SLC4A10: variants seen among roughly 807,000 people sequenced by gnomAD.
SLC4A10 encodes the protein sodium-driven chloride bicarbonate exchanger.
In SLC4A10, 42 loss-of-function variants were observed where a neutral mutation model predicts 137.7. That is an observed-to-expected ratio of 0.30 (90% CI 0.24 to 0.39). The LOEUF is 0.39. Among genes scored for constraint, SLC4A10 ranks in the 10% least tolerant of loss-of-function variants. SLC4A10 has a pLI of 1.00. For missense variants in SLC4A10, 925 were observed against 1,355.0 expected (o/e 0.68, Z 4.98); for synonymous variants, 474 against 464.1 (o/e 1.02, Z -0.27).
At chr2:161,635,931 G>T (rs1558912137) in intron 1 of SLC4A10, among the ~76,000 whole-genome samples, 1 of 152,186 alleles carries the variant, frequency 6.6e-6, no homozygotes, top group South Asian at 2.1e-4. Context: ...TTTGTGAACT[G>T]CTGATTTATT....
chr2:161,661,457 A>T (rs2038390706), intron 1 of SLC4A10, among the ~76,000 whole-genome samples: 1 of 152,264 alleles, frequency 6.6e-6, no homozygotes, highest in Non-Finnish European at 1.5e-5. Flanking sequence ...CTGGCAACAG[A>T]GCGAGACTGC....
intron 1 of SLC4A10, among the ~76,000 whole-genome samples, chr2:161,627,398 C>A (rs970590055): frequency 1.3e-4 from 19 of 151,708 alleles, no homozygotes; most frequent in African/African-American, 4.6e-4. Flanking sequence ...CATTAAAAGC[C>A]AAGATTAGAT....
At chr2:161,771,215 T>A (rs1230051010) in intron 2 of SLC4A10, among the ~76,000 whole-genome samples, 161 bp downstream of exon 2, 1 of 151,902 alleles carries the variant, frequency 6.6e-6, no homozygotes, top group African/African-American at 2.4e-5. Context: ...CAGTTTGGAA[T>A]GTCAATAGGC....
rs2060516312 is a variant in SLC4A10, at chr2:161,862,945, T to C, written c.649T>C (p.Leu217=). The C allele has an allele frequency of 1.2e-6, 2 of 1,613,750 alleles. No individual in the cohort carries two copies. The highest frequency in any genetic ancestry group is 2.2e-5 in the East Asian group (1 of 44,868). ...TGTACGCCATAGGGTCCATGAGGCA[T>C]TGATGAAACAGCATCATCATCAGAA... ...EDVRHRVHEA[L]MKQHHHQNQK... is the part of the protein sequence containing the mutation. The change falls in exon 6 of 27, where the codon TTG becomes CTG. Residue 217 remains leucine, a synonymous_variant. Coordinates refer to ENST00000446997, the MANE Select transcript of SLC4A10 (RefSeq NM_001178015.2).
At chr2:161,748,661 A>G (rs1477733908) in intron 1 of SLC4A10, among the ~76,000 whole-genome samples, 4 of 152,198 alleles carry the variant, frequency 2.6e-5, no homozygotes, top group Middle Eastern at 3.4e-3. Context: ...TGCAAATACC[A>G]TATGGTTTTG....
At chr2:161,803,670 C>A (rs537552879) in intron 2 of SLC4A10, among the ~76,000 whole-genome samples, 227 of 152,208 alleles carry the variant, frequency 1.5e-3, no homozygotes, top group African/African-American at 4.4e-3. Flanking sequence ...ATTAACAGTT[C>A]TCTCATGTCT....
intron 21 of SLC4A10, among the ~76,000 whole-genome samples, chr2:161,959,106 A>G (rs1036530383): frequency 6.6e-6 from 1 of 152,262 alleles, no homozygotes; most frequent in Non-Finnish European, 1.5e-5. Context: ...CCATAGGTTT[A>G]TAAAGCTATG....
At chr2:161,628,032 T>A (rs1268079170) in intron 1 of SLC4A10, among the ~76,000 whole-genome samples, 2 of 152,170 alleles carry the variant, frequency 1.3e-5, no homozygotes, top group African/African-American at 4.8e-5. Flanking sequence ...ATATGGAGAA[T>A]ATATGTAACA....
chr2:161,835,758 C>T (rs894234844), intron 3 of SLC4A10, among the ~76,000 whole-genome samples: 20 of 152,324 alleles, frequency 1.3e-4, no homozygotes, highest in African/African-American at 4.8e-4. Flanking sequence ...TGTGCAATTG[C>T]TTATATATCC....
chr2:161,888,375 A>G (rs993324421), intron 10 of SLC4A10, among the ~76,000 whole-genome samples: 3 of 152,120 alleles, frequency 2.0e-5, no homozygotes, highest in African/African-American at 7.2e-5. Context: ...TCTATAAACT[A>G]CTTTGGGCAG....
intron 3 of SLC4A10, among the ~76,000 whole-genome samples, chr2:161,833,311 G>C (rs1171512134): frequency 6.6e-6 from 1 of 152,126 alleles, no homozygotes; most frequent in African/African-American, 2.4e-5. Context: ...TTCTGTAATG[G>C]GTTCTATCTG....
chr2:161,653,833 T>G (rs571775542), intron 1 of SLC4A10, among the ~76,000 whole-genome samples: 1 of 152,382 alleles, frequency 6.6e-6, no homozygotes, highest in East Asian at 1.9e-4. Flanking sequence ...ATACTGTGAA[T>G]AATGCTACAA....
intron 1 of SLC4A10, among the ~76,000 whole-genome samples, chr2:161,752,276 T>C (rs2049066346): frequency 6.6e-6 from 1 of 152,024 alleles, no homozygotes; most frequent in Admixed American, 6.6e-5. Flanking sequence ...TATTATTTTT[T>C]TGCCTTATCT....
chr2:161,803,878 T>C (rs957615531), intron 2 of SLC4A10, among the ~76,000 whole-genome samples: 16 of 152,282 alleles, frequency 1.1e-4, no homozygotes, highest in African/African-American at 3.1e-4. Flanking sequence ...CAGTAGCTAA[T>C]AATAAAATTG....
chr2:161,717,145 T>G (rs1425648850), intron 1 of SLC4A10, among the ~76,000 whole-genome samples: 1 of 152,214 alleles, frequency 6.6e-6, no homozygotes, highest in Non-Finnish European at 1.5e-5. Flanking sequence ...GCATGTTGAT[T>G]TTTTATCCTG....
intron 1 of SLC4A10, chr2:161,708,720 G>A: frequency 6.5e-7 from 1 of 1,528,590 alleles, no homozygotes; most frequent in Non-Finnish European, 8.8e-7. Flanking sequence ...ACATAGAGAT[G>A]GCTGTGATTA....
intron 1 of SLC4A10, among the ~76,000 whole-genome samples, chr2:161,633,028 A>G (rs996261353): frequency 3.3e-5 from 5 of 151,702 alleles, no homozygotes; most frequent in Middle Eastern, 3.4e-3. Flanking sequence ...ATTTCAATAT[A>G]TGATGGCTTG....
At position 161,979,955 on chromosome 2, in the gene SLC4A10, G is replaced by A. The variant is rs1699985082; in HGVS notation, c.*26+2195G>A. Among the ~76,000 whole-genome samples, 4 of 152,184 alleles carry A rather than the reference G, an allele frequency of 2.6e-5. 1 individual carries two copies. In the South Asian group the frequency reaches 8.3e-4, roughly 32 times the overall value. ...AATATTTTATCTCGTTTAACTGACAGTAGAATCTAAGAACTAACGGCAAAT... is the reference window on the plus strand; with the variant it reads ...AATATTTTATCTCGTTTAACTGACAATAGAATCTAAGAACTAACGGCAAAT... On this transcript the variant is annotated intron_variant, in intron 26 of 26. Transcript: ENST00000446997.
intron 2 of SLC4A10, among the ~76,000 whole-genome samples, chr2:161,782,874 T>C (rs1332393742): frequency 6.6e-6 from 1 of 150,858 alleles, no homozygotes; most frequent in African/African-American, 2.4e-5. Context: ...AGTGGATCAA[T>C]ATATGCATTA....
Sources: allele counts gnomAD v4.1 joint callset (sites outside exome capture counted in the v4.1 genomes callset), GRCh38; gene constraint gnomAD v4.1.1; transcripts MANE v1.5; gene names NCBI Gene and HGNC (gene_info 2026-07-23, HGNC 2026-07-21).